Variants in P3H2 observed in about 807,000 individuals in gnomAD.
The protein encoded by P3H2 is prolyl 3-hydroxylase 2.
A neutral mutation model predicts 87.0 loss-of-function variants in P3H2; 80 were observed. The observed-to-expected ratio is 0.92, with a 90% CI of 0.77 to 1.11. The LOEUF (loss-of-function observed/expected upper bound fraction) is 1.11, where lower values mean the gene tolerates loss of function less well. Among genes scored for constraint, P3H2 ranks in the 50% least tolerant of loss-of-function variants. The probability of loss-of-function intolerance (pLI) is 0.00; values close to 1 mark genes in which losing one functional copy is unlikely to be tolerated. For missense variants in P3H2, 1,001 were observed against 923.9 expected (o/e 1.08, Z -1.08); for synonymous variants, 367 against 359.3 (o/e 1.02, Z -0.24).
chr3:190,102,073 G>T (rs1711645098), intron 1 of P3H2, among the ~76,000 whole-genome samples: 1 of 152,114 alleles, frequency 6.6e-6, no homozygotes, highest in African/African-American at 2.4e-5. Context: ...ACTGTTATCT[G>T]CTCAGAATAA....
At chr3:190,065,467 T>G (rs1047863379) in intron 1 of P3H2, among the ~76,000 whole-genome samples, 1 of 152,108 alleles carries the variant, frequency 6.6e-6, no homozygotes, top group African/African-American at 2.4e-5. Flanking sequence ...GAAATAAACT[T>G]TTATTGTTTT....
chr3:190,111,431 T>C (rs866168221), intron 1 of P3H2, among the ~76,000 whole-genome samples: 2 of 152,276 alleles, frequency 1.3e-5, no homozygotes, highest in Middle Eastern at 6.8e-3. Context: ...TGGCCTTTAT[T>C]TTCCATCTGT....
intron 8 of P3H2, among the ~76,000 whole-genome samples, chr3:189,979,694 G>T (rs1723467021): frequency 6.6e-6 from 1 of 152,070 alleles, no homozygotes; most frequent in African/African-American, 2.4e-5. Context: ...GAGCACAGTG[G>T]CTCAGGCCTG....
In P3H2 at chr3:189,989,042, G is replaced by C. The variant is rs369445363; in HGVS notation, c.824-4C>G. 7.4e-6 allele frequency: 12 copies of C among 1,613,950 alleles called. No homozygotes were observed. In the South Asian group the frequency reaches 8.8e-5, roughly 12 times the overall value. On this transcript the variant is annotated splice_polypyrimidine_tract_variant and splice_region_variant and intron_variant, in intron 3 of 14. Coordinates refer to ENST00000319332, the MANE Select transcript of P3H2 (RefSeq NM_018192.4). ...ACAAGCACCTGCATGTAGTGATCTG[G>C]AAGACAAGAGCCAATACGTGTGTTC... is the stretch of plus-strand genomic sequence containing the variant.
intron 1 of P3H2, among the ~76,000 whole-genome samples, chr3:190,011,101 T>C (rs1228474160): frequency 6.6e-6 from 1 of 151,974 alleles, no homozygotes; most frequent in African/African-American, 2.4e-5. Flanking sequence ...GAAACCCCTT[T>C]AGTCTCTACT....
chr3:190,111,448 G>A (rs564782116), intron 1 of P3H2, among the ~76,000 whole-genome samples: 18 of 152,132 alleles, frequency 1.2e-4, no homozygotes, highest in African/African-American at 4.3e-4. Context: ...CTGTAAAATG[G>A]GATGCCTGGA....
chr3:189,983,672 T>A (rs1012266605), intron 7 of P3H2, among the ~76,000 whole-genome samples: 1 of 152,114 alleles, frequency 6.6e-6, no homozygotes, highest in Non-Finnish European at 1.5e-5. Flanking sequence ...TCTCTCGAAA[T>A]AATTTTATGC....
At chr3:190,043,589 T>C (rs1371558834) in intron 1 of P3H2, among the ~76,000 whole-genome samples, 1 of 152,218 alleles carries the variant, frequency 6.6e-6, no homozygotes, top group African/African-American at 2.4e-5. Flanking sequence ...TAAACAGGAA[T>C]TGTATATAGT....
At chr3:190,069,298 T>C (rs1312716962) in intron 1 of P3H2, among the ~76,000 whole-genome samples, 1 of 152,174 alleles carries the variant, frequency 6.6e-6, no homozygotes, top group Admixed American at 6.6e-5. Context: ...TATTGCTACC[T>C]TCAATATGAG....
chr3:190,094,315 T>C (rs1727503315), intron 1 of P3H2, among the ~76,000 whole-genome samples: 1 of 152,256 alleles, frequency 6.6e-6, no homozygotes, highest in African/African-American at 2.4e-5. Flanking sequence ...TAGCTTTCTT[T>C]AGTATTTCAA....
At chr3:189,973,511 C>CTTTCTTTTT (rs1723245878) in intron 10 of P3H2, among the ~76,000 whole-genome samples, 3 of 35,462 alleles carry the variant, frequency 8.5e-5, no homozygotes, top group African/African-American at 2.9e-4. Flanking sequence ...TTCTTTCTTT[C>CTTTCTTTTT]TTTTTTTTTT....
intron 1 of P3H2, among the ~76,000 whole-genome samples, chr3:190,049,376 C>A (rs1725904150): frequency 6.6e-6 from 1 of 152,038 alleles, no homozygotes; most frequent in Non-Finnish European, 1.5e-5. Flanking sequence ...TTGCTCACAT[C>A]CCCTCCTGTA....
intron 1 of P3H2, among the ~76,000 whole-genome samples, chr3:190,050,516 G>GT (rs1243815607): frequency 1.3e-5 from 2 of 151,978 alleles, no homozygotes; most frequent in Non-Finnish European, 1.5e-5. Flanking sequence ...GTCAGGTTTT[G>GT]TTTTTTTCTG....
At position 190,080,936 on chromosome 3, in the gene P3H2, T is replaced by C. The variant is rs193086695; in HGVS notation, c.480+39316A>G. Among the ~76,000 whole-genome samples, 27 of 152,298 alleles carry C rather than the reference T, an allele frequency of 1.8e-4. No individual in the cohort carries two copies. In the East Asian group the frequency reaches 2.1e-3, roughly 12 times the overall value. On this transcript the variant is annotated intron_variant, in intron 1 of 14. Coordinates refer to ENST00000319332, the MANE Select transcript of P3H2 (RefSeq NM_018192.4). ...TGCTCTTTCTTTCTGTCACAGACAA[T>C]AATTTACTTCCAAAGAAGTTCAGAG...
At position 190,050,840 on chromosome 3, in the gene P3H2, C is replaced by G. The variant is rs114797776; in HGVS notation, c.481-55398G>C. On this transcript the variant is annotated intron_variant, in intron 1 of 14. Coordinates refer to ENST00000319332, the MANE Select transcript of P3H2 (RefSeq NM_018192.4). ...AAGAGTATTAGCCTGAAACTTACTA[C>G]CTATACTAGTGACCTCCTTCCAGCT... is the stretch of plus-strand genomic sequence containing the variant. Among the ~76,000 whole-genome samples, 416 of 152,270 alleles carry G rather than the reference C, an allele frequency of 2.7e-3. 3 individuals are homozygous for G. Among genetic ancestry groups the G allele is most frequent in the African/African-American group, 9.6e-3 (398 of 41,562 alleles).
chr3:189,970,086 T>C (rs931429116), intron 13 of P3H2, among the ~76,000 whole-genome samples: 4 of 148,416 alleles, frequency 2.7e-5, no homozygotes, highest in Admixed American at 2.7e-4. Flanking sequence ...ATTTACTCTT[T>C]GTTTACATAT....
chr3:190,044,610 TAAC>T (rs2108956864), intron 1 of P3H2, among the ~76,000 whole-genome samples: 1 of 152,190 alleles, frequency 6.6e-6, no homozygotes, highest in East Asian at 1.9e-4. Context: ...CACTATACAC[TAAC>T]AACTTCCAAA....
intron 1 of P3H2, among the ~76,000 whole-genome samples, chr3:190,039,214 A>G (rs958051201): frequency 6.6e-6 from 1 of 151,812 alleles, no homozygotes; most frequent in Non-Finnish European, 1.5e-5. Context: ...AAAAGAATTG[A>G]GCACTGTAAG....
chr3:189,969,469 A>C, intron 13 of P3H2: 4 of 914,170 alleles, frequency 4.4e-6, no homozygotes, highest in Non-Finnish European at 5.5e-6. Flanking sequence ...CTCCTCTAGC[A>C]CAACAATGAC....
Sources: gnomAD v4.1 joint callset for allele counts (sites outside exome capture counted in the v4.1 genomes callset) on GRCh38, gnomAD v4.1.1 for gene constraint, MANE v1.5 for transcripts, NCBI Gene and HGNC (gene_info 2026-07-23, HGNC 2026-07-21) for gene names.